The following CYSTM1 variants were observed in gnomAD, a reference collection of about 807,000 sequenced individuals.
CYSTM1 encodes the protein cysteine rich transmembrane module containing 1.
A neutral mutation model predicts 13.1 loss-of-function variants in CYSTM1; 4 were observed. The ratio of observed to expected loss-of-function variants is 0.31; its 90% CI spans 0.15 to 0.70. The LOEUF (loss-of-function observed/expected upper bound fraction) is 0.70, where lower values mean the gene tolerates loss of function less well. CYSTM1 is among the 30% of genes least tolerant of loss of function. The pLI, the probability that CYSTM1 is intolerant of heterozygous loss-of-function variation, is 0.72. For missense variants in CYSTM1, 96 were observed against 121.6 expected (o/e 0.79, Z 0.99); for synonymous variants, 36 against 42.7 (o/e 0.84, Z 0.62).
intron 2 of CYSTM1, among the ~76,000 whole-genome samples, chr5:140,242,210 G>A (rs1764758408): frequency 6.6e-6 from 1 of 152,174 alleles, no homozygotes; most frequent in Admixed American, 6.5e-5. Flanking sequence ...TTAAACCTGT[G>A]CCATAGGAGA....
intron 2 of CYSTM1, among the ~76,000 whole-genome samples, chr5:140,195,464 C>T (rs1436712555): frequency 1.4e-4 from 16 of 118,092 alleles, no homozygotes; most frequent in African/African-American, 4.2e-4. Context: ...TTTTTTGAGA[C>T]GGAGTCTCAC....
chr5:140,243,451 C>A lies in CYSTM1; in HGVS notation c.*40C>A, dbSNP rs1245849054. ...CCGTCCTGTCCTGCCAGCTCTGCTGCCACCTCTGACAGGTGTGCCTGCCCC... is the reference window on the plus strand; with the variant it reads ...CCGTCCTGTCCTGCCAGCTCTGCTGACACCTCTGACAGGTGTGCCTGCCCC... On this transcript the variant is annotated 3_prime_UTR_variant, in exon 3 of 3. Coordinates refer to ENST00000261811, the MANE Select transcript of CYSTM1 (RefSeq NM_032412.4). 11 of 1,568,710 alleles carry A rather than the reference C, an allele frequency of 7.0e-6. No homozygotes were observed.
At chr5:140,202,244 T>A (rs552457077) in intron 2 of CYSTM1, 6 of 152,190 alleles carry the variant, frequency 3.9e-5, no homozygotes, top group Non-Finnish European at 8.8e-5. Flanking sequence ...CCTGCTAATA[T>A]TCTTAAGTTA....
chr5:140,242,549 T>A (rs531588540), intron 2 of CYSTM1, among the ~76,000 whole-genome samples: 1 of 152,218 alleles, frequency 6.6e-6, no homozygotes, highest in Non-Finnish European at 1.5e-5. Context: ...TATGTCCTTA[T>A]GGGAAGAGAA....
intron 2 of CYSTM1, among the ~76,000 whole-genome samples, chr5:140,229,958 C>T (rs768928298): frequency 6.6e-6 from 1 of 152,176 alleles, no homozygotes; most frequent in Non-Finnish European, 1.5e-5. Flanking sequence ...GCAGCCTCTG[C>T]CTCCTGGGTT....
At chr5:140,234,586 G>A (rs1191497136) in intron 2 of CYSTM1, among the ~76,000 whole-genome samples, 1 of 152,202 alleles carries the variant, frequency 6.6e-6, no homozygotes, top group Non-Finnish European at 1.5e-5. Flanking sequence ...TTGCTGGGTT[G>A]TAATTATTCC....
At chr5:140,209,770 G>A (rs1764341304) in intron 2 of CYSTM1, among the ~76,000 whole-genome samples, 1 of 152,020 alleles carries the variant, frequency 6.6e-6, no homozygotes, top group Non-Finnish European at 1.5e-5. Context: ...ATGTTGGCCA[G>A]GCTGGTCTCA....
intron 2 of CYSTM1, among the ~76,000 whole-genome samples, chr5:140,236,947 G>A (rs996784551): frequency 2.6e-5 from 4 of 152,208 alleles, no homozygotes; most frequent in African/African-American, 9.6e-5. Flanking sequence ...TGGATCTCCA[G>A]CCACTTGCCC....
At chr5:140,237,087 GA>G (rs35088282) in intron 2 of CYSTM1, among the ~76,000 whole-genome samples, 1,949 of 152,300 alleles carry the variant, frequency 0.013, 27 homozygotes, top group African/African-American at 0.04. Flanking sequence ...CCCTCATGTG[GA>G]AAGTGGAAGT....
intron 2 of CYSTM1, among the ~76,000 whole-genome samples, chr5:140,216,072 G>A (rs1009137970): frequency 6.6e-6 from 1 of 152,040 alleles, no homozygotes; most frequent in Admixed American, 6.6e-5. Context: ...AGCCCAGGAG[G>A]TCAAGGCTGC....
intron 2 of CYSTM1, chr5:140,228,604 G>A: frequency 2.5e-6 from 1 of 395,764 alleles, no homozygotes; most frequent in Non-Finnish European, 4.4e-6. Flanking sequence ...CCCTGCCCTT[G>A]TGGAGCTAAC....
In CYSTM1 at chr5:140,243,432, T is replaced by G; in HGVS notation, c.*21T>G. On this transcript the variant is annotated 3_prime_UTR_variant, in exon 3 of 3. Coordinates refer to ENST00000261811, the MANE Select transcript of CYSTM1 (RefSeq NM_032412.4). ...CCTGACCAGACCAGCCCAGCCGTCC[T>G]GTCCTGCCAGCTCTGCTGCCACCTC... The G allele has an allele frequency of 6.2e-7, 1 of 1,608,780 alleles. No homozygotes were observed.
intron 2 of CYSTM1, among the ~76,000 whole-genome samples, chr5:140,210,009 A>G (rs1301363910): frequency 1.3e-5 from 2 of 152,196 alleles, no homozygotes; most frequent in African/African-American, 2.4e-5. Context: ...GTTTTGGGGC[A>G]TTCTTGCCTC....
In CYSTM1 at chr5:140,243,375, T is replaced by C. The variant is rs946596392; in HGVS notation, c.258T>C (p.Ala86=). The C allele has an allele frequency of 3.1e-6, 5 of 1,614,000 alleles. No homozygotes were observed. The Admixed American group carries it at 8.3e-5, about 27-fold the overall frequency. ...CCTGCCTCACAGCCTGCTGGACGGC[T>C]CTCTGTTGCTGCTGTCTCTGGGACA... ...PSTCLTACWT[A]LCCCCLWDML... Residue 86 remains alanine, a synonymous_variant, in exon 3 of 3, where the codon GCT becomes GCC. Coordinates refer to ENST00000261811, the MANE Select transcript of CYSTM1 (RefSeq NM_032412.4).
intron 2 of CYSTM1, among the ~76,000 whole-genome samples, chr5:140,216,695 G>A (rs1013407688): frequency 6.6e-6 from 1 of 152,162 alleles, no homozygotes; most frequent in African/African-American, 2.4e-5. Context: ...TTTTGGTCTC[G>A]AGAGGCTAAT....
chr5:140,195,921 T>C (rs1055991462), intron 2 of CYSTM1, among the ~76,000 whole-genome samples: 4 of 151,728 alleles, frequency 2.6e-5, no homozygotes, highest in African/African-American at 9.7e-5. Flanking sequence ...GGTACGCGTC[T>C]ATAGTCCCAG....
chr5:140,210,574 T>C (rs911498314), intron 2 of CYSTM1, among the ~76,000 whole-genome samples: 8 of 151,848 alleles, frequency 5.3e-5, no homozygotes, highest in Non-Finnish European at 4.4e-5. Context: ...AGTGCAGTGG[T>C]GCAACTTTGG....
intron 2 of CYSTM1, among the ~76,000 whole-genome samples, chr5:140,208,987 C>T (rs1423150100): frequency 3.3e-5 from 5 of 149,398 alleles, no homozygotes; most frequent in Admixed American, 6.7e-5. Flanking sequence ...TGCAGTGAGC[C>T]GAGATCACGC....
rs557610263 is a variant in CYSTM1 at position 140,213,157 on chromosome 5, A to G, written c.187+18505A>G. ...TATGTTATTACCCCTGAAGACCTCC[A>G]GTGGGACAAGATGTGGAAGTGGAAG... On this transcript the variant is annotated intron_variant, in intron 2 of 2. Coordinates refer to ENST00000261811, the MANE Select transcript of CYSTM1 (RefSeq NM_032412.4). Among the ~76,000 whole-genome samples the G allele has an allele frequency of 1.4e-3, 211 of 151,572 alleles. 1 individual carries two copies. Among genetic ancestry groups the G allele is most frequent in the African/African-American group, 4.9e-3 (204 of 41,434 alleles).
Sources: allele counts gnomAD v4.1 joint callset (sites outside exome capture counted in the v4.1 genomes callset), GRCh38; gene constraint gnomAD v4.1.1; transcripts MANE v1.5; gene names NCBI Gene and HGNC (gene_info 2026-07-23, HGNC 2026-07-21).